Variants in MAP2 observed in about 807,000 individuals in gnomAD.
MAP2 encodes microtubule-associated protein 2.
A neutral mutation model predicts 137.6 loss-of-function variants in MAP2; 14 were observed. The ratio of observed to expected loss-of-function variants is 0.10; its 90% CI spans 0.07 to 0.16. The LOEUF (loss-of-function observed/expected upper bound fraction) is 0.16. MAP2 is among the 10% of genes least tolerant of loss of function. The probability of loss-of-function intolerance (pLI) is 1.00; values close to 1 mark genes in which losing one functional copy is unlikely to be tolerated. For missense variants in MAP2, 2,088 were observed against 2,191.5 expected, an observed-to-expected ratio of 0.95 and a Z score of 0.94; for synonymous variants, 786 against 782.3, an observed-to-expected ratio of 1.00 and a Z score of -0.08.
At chr2:209,480,537 A>AGTTTT (rs1553553098) in intron 1 of MAP2, among the ~76,000 whole-genome samples, 2 of 150,518 alleles carry the variant, frequency 1.3e-5, no homozygotes, top group South Asian at 2.1e-4. Context: ...GATGATCTAA[A>AGTTTT]GTTTGTTTGT....
chr2:209,723,790 T>C, intron 13 of MAP2: 1 of 743,820 alleles, frequency 1.3e-6, no homozygotes, highest in Non-Finnish European at 2.4e-6. Context: ...CACTGCTCCT[T>C]TCTCACTGCT....
At chr2:209,464,905 T>G (rs1703753896) in intron 1 of MAP2, among the ~76,000 whole-genome samples, 1 of 152,150 alleles carries the variant, frequency 6.6e-6, no homozygotes, top group Admixed American at 6.5e-5. Flanking sequence ...TGTGTACATG[T>G]ATATATGTAT....
At chr2:209,728,518 G>A (rs1316573786) in intron 14 of MAP2, among the ~76,000 whole-genome samples, 1 of 152,200 alleles carries the variant, frequency 6.6e-6, no homozygotes, top group Admixed American at 6.5e-5. Context: ...TCTCCAAAAT[G>A]TAATCTAATT....
intron 3 of MAP2, among the ~76,000 whole-genome samples, chr2:209,621,040 CA>C (rs2090985919): frequency 1.3e-5 from 2 of 151,710 alleles, no homozygotes; most frequent in African/African-American, 4.8e-5. Flanking sequence ...ACTAGAAATA[CA>C]AAACTTAGCT....
At chr2:209,605,820 T>G (rs1489594710) in intron 3 of MAP2, among the ~76,000 whole-genome samples, 1 of 152,206 alleles carries the variant, frequency 6.6e-6, no homozygotes, top group African/African-American at 2.4e-5. Context: ...ATGATTTGCC[T>G]GTTACTTGAG....
chr2:209,481,408 T>G (rs1708740472), intron 1 of MAP2, among the ~76,000 whole-genome samples: 1 of 152,220 alleles, frequency 6.6e-6, no homozygotes, highest in Non-Finnish European at 1.5e-5. Flanking sequence ...CTACTGACAG[T>G]AACTTCCTGT....
chr2:209,463,865 A>G (rs2149624400), intron 1 of MAP2, among the ~76,000 whole-genome samples: 1 of 152,292 alleles, frequency 6.6e-6, no homozygotes, highest in South Asian at 2.1e-4. Context: ...GAGAGACTGT[A>G]GATTCAGTGA....
chr2:209,605,326 A>G (rs1340506487), intron 3 of MAP2, among the ~76,000 whole-genome samples: 1 of 152,184 alleles, frequency 6.6e-6, no homozygotes. Context: ...TCTACTAATA[A>G]TTGTTGTCAC....
chr2:209,607,924 T>G (rs1402713070), intron 3 of MAP2, among the ~76,000 whole-genome samples: 1 of 152,212 alleles, frequency 6.6e-6, no homozygotes, highest in Non-Finnish European at 1.5e-5. Flanking sequence ...TCCATTCAAT[T>G]TATTGTCTTA....
At chr2:209,521,255 C>T (rs369858781) in intron 2 of MAP2, among the ~76,000 whole-genome samples, 21 of 152,020 alleles carry the variant, frequency 1.4e-4, no homozygotes, top group African/African-American at 4.1e-4. Context: ...CAGCCTTCTA[C>T]GTACATACAT....
At chr2:209,525,071 A>C (rs2063825224) in intron 2 of MAP2, among the ~76,000 whole-genome samples, 1 of 152,130 alleles carries the variant, frequency 6.6e-6, no homozygotes, top group African/African-American at 2.4e-5. Flanking sequence ...TTTTTAATAT[A>C]CGTTCTAGCT....
intron 2 of MAP2, among the ~76,000 whole-genome samples, chr2:209,521,116 T>A (rs1169604320): frequency 1.3e-5 from 2 of 152,070 alleles, no homozygotes; most frequent in Non-Finnish European, 2.9e-5. Context: ...TTCCAGTATG[T>A]GTAAAATGAC....
chr2:209,435,066 T>G (rs1481795668), intron 1 of MAP2, among the ~76,000 whole-genome samples: 1 of 150,514 alleles, frequency 6.6e-6, no homozygotes, highest in Non-Finnish European at 1.5e-5. Flanking sequence ...AAGCATCAAA[T>G]ATAAATTAAA....
At chr2:209,437,618 A>G (rs1385621575) in intron 1 of MAP2, among the ~76,000 whole-genome samples, 2 of 151,622 alleles carry the variant, frequency 1.3e-5, no homozygotes, top group South Asian at 4.1e-4. Context: ...TCTTCCAGAA[A>G]TGACACGATG....
chr2:209,434,839 A>ATATATATATGTTATATATATATGT (rs1327548121), intron 1 of MAP2, among the ~76,000 whole-genome samples: 9 of 115,028 alleles, frequency 7.8e-5, no homozygotes, highest in African/African-American at 3.1e-4. Context: ...CTCTCTATAT[A>ATATATATATGTTATATATATATGT]TATATATATG....
At position 209,728,966 on chromosome 2, in the gene MAP2, C is replaced by A. The variant is rs536964933; in HGVS notation, c.5156-884C>A. The stretch of plus-strand genomic sequence containing the variant: ...GTCCAATTTCACTTTTTATCTAGAT[C>A]AAATACATCAGCAGACACTCAGAAA... On this transcript the variant is annotated intron_variant, in intron 14 of 15. Coordinates refer to ENST00000682079, the MANE Select transcript of MAP2 (RefSeq NM_001375505.1). Among the ~76,000 whole-genome samples the A allele has an allele frequency of 2.0e-4, 30 of 152,272 alleles. 1 individual carries two copies. The highest frequency in any genetic ancestry group is 7.2e-4 in the African/African-American group (30 of 41,546).
At chr2:209,436,178 G>T (rs1304151544) in intron 1 of MAP2, among the ~76,000 whole-genome samples, 1 of 150,786 alleles carries the variant, frequency 6.6e-6, no homozygotes, top group Non-Finnish European at 1.5e-5. Flanking sequence ...AGTTATATGT[G>T]TGTATATGTA....
At chr2:209,434,845 ATATGTTATATATATATGT>A (rs1559156937) in intron 1 of MAP2, among the ~76,000 whole-genome samples, 2 of 100,350 alleles carry the variant, frequency 2.0e-5, no homozygotes, top group African/African-American at 1.5e-4. Context: ...ATATATATAT[ATATGTTATATATATATGT>A]TATATATATG....
Position 209,725,843 on chromosome 2 carries a change from G to C in MAP2, c.5155+53G>C, listed in dbSNP as rs555555776. Reference sequence around the variant, plus strand: ...GAAATATTTAACTGGAATCAAGAAAGGGATGAGAAAATTTTTTGTTGTTGC... The same window carrying C: ...GAAATATTTAACTGGAATCAAGAAACGGATGAGAAAATTTTTTGTTGTTGC... On this transcript the variant is annotated intron_variant, in intron 14 of 15. Transcript: ENST00000682079. 5.5e-6 allele frequency: 7 copies of C among 1,266,682 alleles called. No individual in the cohort carries two copies. In the Admixed American group the frequency reaches 1.6e-4, roughly 29 times the overall value. The allele number at this position is 1,266,682 out of a possible 1,614,324, so 78.5% of individuals were successfully genotyped here. A position where few individuals can be genotyped will look rare whatever the true frequency, so the allele number is the denominator to read the frequency against.
Sources: allele counts gnomAD v4.1 joint callset (sites outside exome capture counted in the v4.1 genomes callset), GRCh38; gene constraint gnomAD v4.1.1; transcripts MANE v1.5; gene names NCBI Gene and HGNC (gene_info 2026-07-23, HGNC 2026-07-21).